DACH2: variants seen among roughly 807,000 people sequenced by gnomAD.
DACH2 encodes dachshund family transcription factor 2, also known as dachshund homolog 2.
A neutral mutation model predicts 35.8 loss-of-function variants in DACH2; 17 were observed. That is an observed-to-expected ratio of 0.48 (90% CI 0.33 to 0.71). The LOEUF is 0.71. DACH2 is among the 30% of genes least tolerant of loss of function. The pLI is 0.02. For synonymous variants in DACH2, 195 were observed against 177.3 expected, an observed-to-expected ratio of 1.10 and a Z score of -0.79; for missense variants, 469 against 472.7, an observed-to-expected ratio of 0.99 and a Z score of 0.07.
chrX:86,542,489 T>G (rs1038823305), intron 3 of DACH2, among the ~76,000 whole-genome samples: 3 of 111,719 alleles, frequency 2.7e-5, no homozygotes, highest in African/African-American at 9.8e-5. Context: ...TGTTACACCT[T>G]TGATCTCCTG....
At chrX:86,296,942 G>T (rs2148008543) in intron 1 of DACH2, among the ~76,000 whole-genome samples, 1 of 108,309 alleles carries the variant, frequency 9.2e-6, no homozygotes, top group Non-Finnish European at 1.9e-5. Flanking sequence ...AGACACACAT[G>T]TCATAACATA....
intron 3 of DACH2, among the ~76,000 whole-genome samples, chrX:86,607,354 G>T (rs751718715): frequency 9.0e-6 from 1 of 110,650 alleles, no homozygotes; most frequent in African/African-American, 3.3e-5. Flanking sequence ...TGTGTTTGTT[G>T]TCATATTTTT....
At chrX:86,191,894 T>C (rs1417475104) in intron 1 of DACH2, among the ~76,000 whole-genome samples, 1 of 111,635 alleles carries the variant, frequency 9.0e-6, no homozygotes, top group African/African-American at 3.3e-5. Context: ...TGAGCCGAGA[T>C]TGCGCCACTG....
At chrX:86,831,807 A>G (rs201694368) in intron 11 of DACH2, 1 of 59,270 alleles carries the variant, frequency 1.7e-5, no homozygotes, top group Non-Finnish European at 2.8e-5. Flanking sequence ...TATACAAAAA[A>G]AAAAGTAATA....
intron 1 of DACH2, among the ~76,000 whole-genome samples, chrX:86,343,200 T>A (rs2035441653): frequency 9.0e-6 from 1 of 111,705 alleles, no homozygotes; most frequent in South Asian, 3.7e-4. Flanking sequence ...GGTAATGGCT[T>A]ATTCTTTATC....
intron 3 of DACH2, among the ~76,000 whole-genome samples, chrX:86,574,938 AAAT>A (rs1303494261): frequency 8.9e-6 from 1 of 111,995 alleles, no homozygotes; most frequent in Non-Finnish European, 1.9e-5. Flanking sequence ...TCAAGTTAAA[AAAT>A]ATCTCTCATG....
chrX:86,738,845 AC>A lies in DACH2; in HGVS notation c.1105-901del, dbSNP rs780112163. ...GATCATAGTGTAAGTTTGAAAAAAA[AC>A]AATAATGGTGTACTGTGACTATTAA... On this transcript the variant is annotated intron_variant, in intron 6 of 11. Coordinates refer to ENST00000373125, the MANE Select transcript of DACH2 (RefSeq NM_053281.3). Among the ~76,000 whole-genome samples, 111 of 111,928 alleles carry A rather than the reference AC, an allele frequency of 9.9e-4. No homozygotes were observed. The Middle Eastern group carries it at 0.014, about 14-fold the overall frequency.
intron 7 of DACH2, among the ~76,000 whole-genome samples, chrX:86,800,033 T>C (rs949194834): frequency 2.7e-5 from 3 of 112,144 alleles, no homozygotes; most frequent in African/African-American, 9.7e-5. Context: ...TATTGTGCTA[T>C]AAGAAGAAGG....
intron 1 of DACH2, among the ~76,000 whole-genome samples, chrX:86,273,400 C>T (rs763810530): frequency 7.2e-5 from 8 of 111,468 alleles, no homozygotes; most frequent in African/African-American, 2.3e-4. Context: ...GTTAATTATA[C>T]TTTAATTGAA....
rs761003424 is a variant in DACH2 at position 86,624,139 on chromosome X, C to T, written c.641-26897C>T. On this transcript the variant is annotated intron_variant, in intron 3 of 11. Coordinates refer to ENST00000373125, the MANE Select transcript of DACH2 (RefSeq NM_053281.3). ...AGTCAATAAATCTCCTTTAGACTTA[C>T]AATGTATAACTCTGAAGTAATGCTA... is the stretch of plus-strand genomic sequence containing the variant. Among the ~76,000 whole-genome samples the T allele has an allele frequency of 9.1e-4, 96 of 105,921 alleles. 1 individual carries two copies. The highest frequency in any genetic ancestry group is 2.5e-3 in the South Asian group (6 of 2,392). 92.0% of individuals were successfully genotyped at this position (105,921 alleles called of 115,157 possible).
At chrX:86,218,081 A>G (rs1408389064) in intron 1 of DACH2, among the ~76,000 whole-genome samples, 1 of 111,413 alleles carries the variant, frequency 9.0e-6, no homozygotes, top group Non-Finnish European at 1.9e-5. Context: ...CCCTCATTTT[A>G]CAGATGAGCA....
At chrX:86,437,303 A>G (rs1182660947) in intron 2 of DACH2, among the ~76,000 whole-genome samples, 1 of 111,350 alleles carries the variant, frequency 9.0e-6, no homozygotes, top group Non-Finnish European at 1.9e-5. Context: ...ACATTTCAAG[A>G]TCTCTCTTTC....
At chrX:86,210,081 G>C (rs1165963513) in intron 1 of DACH2, among the ~76,000 whole-genome samples, 1 of 111,689 alleles carries the variant, frequency 9.0e-6, no homozygotes, top group Admixed American at 9.5e-5. Context: ...ATGATAATTT[G>C]ATGTGAGTCC....
chrX:86,452,308 G>A (rs372491172), intron 2 of DACH2, among the ~76,000 whole-genome samples: 1 of 111,663 alleles, frequency 9.0e-6, no homozygotes, highest in South Asian at 3.7e-4. Flanking sequence ...ATTTCTGCCA[G>A]GTTTTGGTAT....
chrX:86,295,539 C>T (rs929804306), intron 1 of DACH2, among the ~76,000 whole-genome samples: 9 of 111,436 alleles, frequency 8.1e-5, no homozygotes, highest in African/African-American at 1.6e-4. Context: ...AGTTTATTTG[C>T]GGCCCCAGAA....
At chrX:86,730,466 A>C (rs2041520440) in intron 6 of DACH2, among the ~76,000 whole-genome samples, 1 of 111,782 alleles carries the variant, frequency 8.9e-6, no homozygotes, top group South Asian at 3.7e-4. Context: ...TTAACTTTTC[A>C]TTTTAATTCA....
intron 4 of DACH2, among the ~76,000 whole-genome samples, chrX:86,684,402 A>G (rs2040917812): frequency 9.0e-6 from 1 of 111,534 alleles, no homozygotes; most frequent in African/African-American, 3.3e-5. Context: ...TTAATTCATT[A>G]GCTTCTAAAG....
rs145641873 is a variant in DACH2, at chrX:86,617,492, C to G, written c.641-33544C>G. Among the ~76,000 whole-genome samples, 517 of 111,149 alleles carry G rather than the reference C, an allele frequency of 4.7e-3. 2 individuals carry two copies. The highest frequency in any genetic ancestry group is 0.016 in the African/African-American group (497 of 30,648). ...AATTCTCATCGTTGAACTTTCTCCT[C>G]TCTGTTCAGCTGTATTCCTAGGTAT... is the stretch of plus-strand genomic sequence containing the variant. On this transcript the variant is annotated intron_variant, in intron 3 of 11. Transcript: ENST00000373125.
At chrX:86,397,347 T>C (rs1159224462) in intron 2 of DACH2, among the ~76,000 whole-genome samples, 2 of 111,615 alleles carry the variant, frequency 1.8e-5, no homozygotes, top group African/African-American at 6.5e-5. Flanking sequence ...CAGGGACAAT[T>C]TGACTTCCTC....
Sources: allele counts gnomAD v4.1 joint callset (sites outside exome capture counted in the v4.1 genomes callset), GRCh38; gene constraint gnomAD v4.1.1; transcripts MANE v1.5; gene names NCBI Gene and HGNC (gene_info 2026-07-23, HGNC 2026-07-21).